The following TCAIM variants were observed in gnomAD, a reference collection of about 807,000 sequenced individuals.
TCAIM encodes T-cell activation inhibitor, mitochondrial.
Under a neutral mutation model 58.6 loss-of-function variants are expected in TCAIM, and 36 were observed. The observed-to-expected ratio is 0.61, with a 90% CI of 0.47 to 0.81. The LOEUF is 0.81. TCAIM is among the 30% of genes least tolerant of loss of function. TCAIM has a pLI of 0.00. For missense variants in TCAIM, 466 were observed against 579.6 expected, an observed-to-expected ratio of 0.80 and a Z score of 2.01; for synonymous variants, 172 against 193.6, an observed-to-expected ratio of 0.89 and a Z score of 0.93.
At chr3:44,399,153 G>T (rs1413810738) in intron 8 of TCAIM, among the ~76,000 whole-genome samples, 1 of 152,110 alleles carries the variant, frequency 6.6e-6, no homozygotes, top group Non-Finnish European at 1.5e-5. Context: ...ACAAACGCAT[G>T]CAAGTAAAAC....
chr3:44,360,839 C>G (rs923184002), intron 3 of TCAIM, among the ~76,000 whole-genome samples: 2 of 152,162 alleles, frequency 1.3e-5, no homozygotes, highest in African/African-American at 4.8e-5. Context: ...CTCCTGAGTT[C>G]AGGCAATCTG....
chr3:44,406,044 G>A (rs138088374), intron 10 of TCAIM, among the ~76,000 whole-genome samples: 2 of 152,104 alleles, frequency 1.3e-5, no homozygotes, highest in African/African-American at 4.8e-5. Flanking sequence ...CCTGTTGAGG[G>A]GACAACCCTG....
intron 5 of TCAIM, among the ~76,000 whole-genome samples, chr3:44,368,839 A>G (rs926842202): frequency 3.3e-5 from 5 of 152,308 alleles, no homozygotes; most frequent in African/African-American, 1.2e-4. Context: ...CCTGAGCAAC[A>G]TAGTGAGACC....
chr3:44,372,587 C>CTT (rs908759306), intron 5 of TCAIM, among the ~76,000 whole-genome samples: 13 of 142,028 alleles, frequency 9.2e-5, no homozygotes, highest in African/African-American at 2.6e-4. Flanking sequence ...TCAAAACTTT[C>CTT]TTTTTTTTTT....
intron 10 of TCAIM, among the ~76,000 whole-genome samples, chr3:44,407,211 A>T (rs1441159959): frequency 6.6e-6 from 1 of 152,238 alleles, no homozygotes; most frequent in Non-Finnish European, 1.5e-5. Context: ...TGCTAAAAAC[A>T]TTAACAAATA....
rs148481866 is a variant in TCAIM at position 44,349,351 on chromosome 3, G to T, written c.-44-5388G>T. ...GAAAGTGCCGTTTTCTGGCTACTTG[G>T]AACTATTGTCAAGCGGTATTGCAGA... On this transcript the variant is annotated intron_variant, in intron 1 of 10. Transcript: ENST00000342649. Among the ~76,000 whole-genome samples, 7 of 152,290 alleles carry T rather than the reference G, an allele frequency of 4.6e-5. No homozygotes were observed. The East Asian group carries it at 1.3e-3, about 29-fold the overall frequency.
chr3:44,398,367 T>C (rs1403975240), intron 8 of TCAIM, among the ~76,000 whole-genome samples: 1 of 152,080 alleles, frequency 6.6e-6, no homozygotes, highest in Non-Finnish European at 1.5e-5. Flanking sequence ...GAGACGGAAG[T>C]TGCAGTGAGC....
Position 44,372,966 on chromosome 3 carries a change from C to T in TCAIM, c.572+5258C>T, listed in dbSNP as rs532551175. Among the ~76,000 whole-genome samples the T allele has an allele frequency of 5.3e-4, 81 of 152,180 alleles. 1 individual carries two copies. The highest frequency in any genetic ancestry group is 1.3e-3 in the African/African-American group (53 of 41,512). On this transcript the variant is annotated intron_variant, in intron 5 of 10. Transcript: ENST00000342649. Reference sequence around the variant, plus strand: ...TAATGTTTCTGAGCACTATGTTAAACGAGAAAATATAATTACAGTGTTATT... The same window carrying T: ...TAATGTTTCTGAGCACTATGTTAAATGAGAAAATATAATTACAGTGTTATT...
chr3:44,389,606 G>A (rs1020085292), intron 5 of TCAIM, among the ~76,000 whole-genome samples: 39 of 152,054 alleles, frequency 2.6e-4, no homozygotes, highest in African/African-American at 9.2e-4. Flanking sequence ...AAATTGTAAT[G>A]CCATATCCAA....
In TCAIM at chr3:44,361,385, TA is replaced by T; in HGVS notation, c.190del (p.Arg64GlyfsTer2). 6.3e-7 allele frequency: 1 copy of T among 1,597,046 alleles called. No homozygotes were observed. Among genetic ancestry groups the T allele is most frequent in the Non-Finnish European group, 8.5e-7 (1 of 1,175,124 alleles). On this transcript the variant is annotated frameshift_variant, in exon 4 of 11. Coordinates refer to ENST00000342649, the MANE Select transcript of TCAIM (RefSeq NM_173826.4). LOFTEE classifies it high-confidence loss of function. ...VEREINENSL[K>X]RLSVYLENLQ... ...TCCAGGAAATCAATGAAAATTCTCT[TA>T]AAAGGTTAAGTGTCTACCTAGAAAA...
At chr3:44,357,936 C>G (rs964776748) in intron 3 of TCAIM, 60 bp downstream of exon 3, 1 of 1,559,532 alleles carries the variant, frequency 6.4e-7, no homozygotes, top group African/African-American at 1.4e-5. Flanking sequence ...ACCTTTGATA[C>G]AATATAATAC....
At chr3:44,348,490 C>T (rs1185749531) in intron 1 of TCAIM, among the ~76,000 whole-genome samples, 1 of 152,192 alleles carries the variant, frequency 6.6e-6, no homozygotes, top group Non-Finnish European at 1.5e-5. Context: ...AAGCAAGATC[C>T]TGGGGGAGGA....
At chr3:44,378,668 A>G (rs1256676481) in intron 5 of TCAIM, among the ~76,000 whole-genome samples, 1 of 151,568 alleles carries the variant, frequency 6.6e-6, no homozygotes, top group Non-Finnish European at 1.5e-5. Flanking sequence ...AAAATTAGCC[A>G]GGCATGGTGG....
chr3:44,375,022 G>A (rs1005665019), intron 5 of TCAIM, among the ~76,000 whole-genome samples: 1 of 152,108 alleles, frequency 6.6e-6, no homozygotes, highest in African/African-American at 2.4e-5. Context: ...CGAACCAAAT[G>A]ATTTCACAGT....
intron 1 of TCAIM, among the ~76,000 whole-genome samples, chr3:44,349,258 T>A (rs1329491641): frequency 6.6e-6 from 1 of 152,148 alleles, no homozygotes; most frequent in Non-Finnish European, 1.5e-5. Context: ...TGCCTGGACA[T>A]CAGACATCTC....
chr3:44,353,672 C>G (rs1701137533), intron 1 of TCAIM, among the ~76,000 whole-genome samples: 2 of 152,174 alleles, frequency 1.3e-5, no homozygotes, highest in Non-Finnish European at 2.9e-5. Flanking sequence ...AGTTGTCTGA[C>G]AACACATGAT....
At chr3:44,362,658 TAGAA>T (rs1559566286) in intron 4 of TCAIM, 5 of 366,118 alleles carry the variant, frequency 1.4e-5, no homozygotes. Flanking sequence ...TATTTAAAGA[TAGAA>T]AGTCAATTCA....
intron 5 of TCAIM, among the ~76,000 whole-genome samples, chr3:44,381,144 G>T (rs1427271374): frequency 1.3e-5 from 2 of 152,068 alleles, no homozygotes; most frequent in Non-Finnish European, 2.9e-5. Flanking sequence ...ACTAAAGGCA[G>T]ACAAAGACAC....
intron 5 of TCAIM, among the ~76,000 whole-genome samples, chr3:44,371,825 G>C (rs1402184757): frequency 1.3e-5 from 2 of 152,118 alleles, no homozygotes; most frequent in Non-Finnish European, 2.9e-5. Flanking sequence ...TATCATAAAA[G>C]CTGGAATGGT....
Sources: gnomAD v4.1 joint callset for allele counts (sites outside exome capture counted in the v4.1 genomes callset) on GRCh38, gnomAD v4.1.1 for gene constraint, MANE v1.5 for transcripts, NCBI Gene and HGNC (gene_info 2026-07-23, HGNC 2026-07-21) for gene names.